The following FREM3 variants were observed in gnomAD, a reference collection of about 807,000 sequenced individuals.
FREM3 encodes FRAS1-related extracellular matrix protein 3.
FREM3 carries 105 observed loss-of-function variants against 129.1 expected under a neutral mutation model. That is an observed-to-expected ratio of 0.81 (90% confidence interval 0.69 to 0.96). The LOEUF (loss-of-function observed/expected upper bound fraction) is 0.96. FREM3 is among the 40% of genes least tolerant of loss of function. The probability of loss-of-function intolerance (pLI) is 0.00; values close to 1 mark genes in which losing one functional copy is unlikely to be tolerated. For missense variants in FREM3, 2,593 were observed against 2,666.3 expected (o/e 0.97, Z 0.61); for synonymous variants, 1,014 against 1,044.9 (o/e 0.97, Z 0.57).
At chr4:143,632,769 G>T (rs930208316) in intron 2 of FREM3, among the ~76,000 whole-genome samples, 6 of 151,908 alleles carry the variant, frequency 3.9e-5, no homozygotes, top group Non-Finnish European at 4.4e-5. Context: ...AATTATCTTA[G>T]GTCATACATA....
In FREM3 at chr4:143,611,339, C is replaced by T. The variant is rs1189979910; in HGVS notation, c.5968G>A (p.Gly1990Arg). 2.6e-6 allele frequency: 4 copies of T among 1,536,954 alleles called. No individual in the cohort carries two copies. The African/African-American group carries it at 5.5e-5, about 21-fold the overall frequency. The stretch of plus-strand genomic sequence containing the variant: ...GTGGGGAATCTGGCTCCCAGCTGTC[C>T]TCCCACTGGCAGCCTAAGTGAAACG... ...FSVSLRLPVG[G>R]QLGARFPTTK... The change falls in exon 6 of 8, where the codon GGA (glycine) becomes AGA (arginine). Residue 1990 changes from glycine (G) to arginine (R), a missense_variant. Gly to Arg is a moderately radical substitution (Grantham distance 125, BLOSUM62 -2). Around this residue, in one of 2 missense-constraint regions of FREM3, gnomAD observed 317 missense variants for 399.0 expected, o/e 0.79. Transcript: ENST00000329798.
chr4:143,666,403 G>C (rs1560864254), intron 2 of FREM3, among the ~76,000 whole-genome samples: 1 of 152,120 alleles, frequency 6.6e-6, no homozygotes, highest in African/African-American at 2.4e-5. Flanking sequence ...CAAGGGAACT[G>C]AAATCAGAGA....
chr4:143,683,544 C>G (rs951218633), intron 2 of FREM3, among the ~76,000 whole-genome samples: 5 of 152,292 alleles, frequency 3.3e-5, no homozygotes, highest in Non-Finnish European at 5.9e-5. Flanking sequence ...CCCTAGCAGG[C>G]CATTCCTGCC....
chr4:143,605,897 C>T (rs764512212), intron 6 of FREM3, among the ~76,000 whole-genome samples: 15 of 152,212 alleles, frequency 9.9e-5, no homozygotes, highest in Non-Finnish European at 1.5e-4. Flanking sequence ...AAAAGTCAAG[C>T]GTACCCAGAT....
chr4:143,605,642 T>A (rs760150036), intron 6 of FREM3, among the ~76,000 whole-genome samples: 4 of 152,146 alleles, frequency 2.6e-5, no homozygotes, highest in African/African-American at 7.2e-5. Flanking sequence ...CTGGATTAAT[T>A]AAGAAAGTGG....
intron 1 of FREM3, 112 bp downstream of exon 1, chr4:143,695,379 G>T: frequency 1.1e-6 from 1 of 932,306 alleles, no homozygotes; most frequent in Non-Finnish European, 1.5e-6. Flanking sequence ...TATTTTATTA[G>T]AACAAGAATC....
At chr4:143,655,612 C>A (rs1425113536) in intron 2 of FREM3, among the ~76,000 whole-genome samples, 1 of 152,210 alleles carries the variant, frequency 6.6e-6, no homozygotes, top group Non-Finnish European at 1.5e-5. Context: ...AATGCAGCAT[C>A]TCTTAACTTC....
At chr4:143,600,372 A>G (rs569946996) in intron 6 of FREM3, among the ~76,000 whole-genome samples, 3 of 152,236 alleles carry the variant, frequency 2.0e-5, no homozygotes, top group South Asian at 2.1e-4. Context: ...ATTAGGTACA[A>G]TGTACACTGT....
intron 3 of FREM3, 134 bp from the exon 4 acceptor site, chr4:143,624,472 T>C: frequency 1.6e-6 from 1 of 617,184 alleles, no homozygotes; most frequent in South Asian, 2.0e-5. Flanking sequence ...AAAAGACACT[T>C]GTAAATGATC....
Position 143,577,642 on chromosome 4 carries a change from C to T in FREM3, c.6389G>A (p.Cys2130Tyr), listed in dbSNP as rs1560831084. 4 of 1,537,328 alleles carry T rather than the reference C, an allele frequency of 2.6e-6. No homozygotes were observed. The African/African-American group carries it at 4.1e-5, about 16-fold the overall frequency. The change falls in exon 8 of 8, where the codon TGT becomes TAT. Residue 2130 changes from cysteine to tyrosine, a missense_variant. Physicochemically the swap from Cys to Tyr is radical, Grantham distance 194. Coordinates refer to ENST00000329798, the MANE Select transcript of FREM3 (RefSeq NM_001168235.2). ...AAAGGAACTACAAGCACTCTGCTTA[C>T]AGTCCGTGATGGTGTCCTCGATGAA... is the stretch of plus-strand genomic sequence containing the variant. ...TIFIEDTITDCKQSACSSFD is the reference protein window; with the variant it reads ...TIFIEDTITDYKQSACSSFD
intron 2 of FREM3, among the ~76,000 whole-genome samples, chr4:143,657,000 A>G (rs1739613506): frequency 6.6e-6 from 1 of 152,132 alleles, no homozygotes; most frequent in Non-Finnish European, 1.5e-5. Context: ...AGGGTTTTAT[A>G]TACTTTCGCT....
chr4:143,639,893 T>C (rs750029709), intron 2 of FREM3, among the ~76,000 whole-genome samples: 6 of 152,164 alleles, frequency 3.9e-5, no homozygotes, highest in Non-Finnish European at 8.8e-5. Flanking sequence ...TGTGCCTTTC[T>C]TGAGGTCACA....
chr4:143,640,422 A>T (rs1255120463), intron 2 of FREM3, among the ~76,000 whole-genome samples: 1 of 152,240 alleles, frequency 6.6e-6, no homozygotes, highest in African/African-American at 2.4e-5. Flanking sequence ...GTATTACTTT[A>T]GTTATCTTGT....
intron 2 of FREM3, among the ~76,000 whole-genome samples, chr4:143,670,306 G>T (rs1739944107): frequency 6.6e-6 from 1 of 152,106 alleles, no homozygotes. Flanking sequence ...CAATAGGAAA[G>T]ATACATGCTA....
At chr4:143,674,653 T>C (rs4054672) in intron 2 of FREM3, among the ~76,000 whole-genome samples, 149,001 of 152,256 alleles carry the variant, frequency 0.98, 73,000 homozygotes, top group Non-Finnish European at 1. Context: ...ACCCATTTCA[T>C]GTGCAGAGAC....
chr4:143,659,557 T>C (rs1269168261), intron 2 of FREM3, among the ~76,000 whole-genome samples: 2 of 150,916 alleles, frequency 1.3e-5, no homozygotes, highest in East Asian at 3.9e-4. Context: ...TGCATGTGTC[T>C]TTATAGCAGC....
chr4:143,603,517 T>C lies in FREM3; in HGVS notation c.6028+7762A>G, dbSNP rs112057221. Among the ~76,000 whole-genome samples, 991 of 152,274 alleles carry C rather than the reference T, an allele frequency of 6.5e-3. 4 individuals carry two copies. Among genetic ancestry groups the C allele is most frequent in the Non-Finnish European group, 0.01 (708 of 68,026 alleles). ...CGGTCTGCTCTTTAGACATAGTTGA[T>C]CCATTTAATACATTCTGTAGCCTCA... On this transcript the variant is annotated intron_variant, in intron 6 of 7. Coordinates refer to ENST00000329798, the MANE Select transcript of FREM3 (RefSeq NM_001168235.2).
intron 2 of FREM3, among the ~76,000 whole-genome samples, chr4:143,682,302 C>T (rs936039680): frequency 6.6e-6 from 1 of 152,148 alleles, no homozygotes; most frequent in Non-Finnish European, 1.5e-5. Flanking sequence ...CTTTTCTGCC[C>T]AGCAGACAGG....
intron 5 of FREM3, among the ~76,000 whole-genome samples, chr4:143,620,682 A>G (rs1201358597): frequency 6.6e-6 from 1 of 152,222 alleles, no homozygotes; most frequent in South Asian, 2.1e-4. Flanking sequence ...TAAAAATACG[A>G]ATCTTTAATT....
Sources: allele counts gnomAD v4.1 joint callset (sites outside exome capture counted in the v4.1 genomes callset), GRCh38; gene constraint gnomAD v4.1.1; regional missense constraint gnomAD v4.1.1; transcripts MANE v1.5; gene names NCBI Gene and HGNC (gene_info 2026-07-23, HGNC 2026-07-21).